Variants in DLG2 observed in about 807,000 individuals in gnomAD.
The protein encoded by DLG2 is discs large MAGUK scaffold protein 2, also known as disks large homolog 2.
A neutral mutation model predicts 132.5 loss-of-function variants in DLG2; 45 were observed. The ratio of observed to expected loss-of-function variants is 0.34; its 90% CI spans 0.27 to 0.44. The LOEUF (loss-of-function observed/expected upper bound fraction) is 0.44. Among genes scored for constraint, DLG2 ranks in the 20% least tolerant of loss-of-function variants. The probability of loss-of-function intolerance (pLI) is 1.00; values close to 1 mark genes in which losing one functional copy is unlikely to be tolerated. For missense variants in DLG2, 1,045 were observed against 1,196.9 expected (o/e 0.87, Z 1.87); for synonymous variants, 424 against 419.6 (o/e 1.01, Z -0.13).
intron 7 of DLG2, chr11:84,272,387 AT>A (rs1214603710): frequency 1.1e-5 from 4 of 375,686 alleles, no homozygotes; most frequent in Middle Eastern, 4.6e-4. Context: ...AGCAGAGATT[AT>A]TTTTTAAGAC....
intron 3 of DLG2, among the ~76,000 whole-genome samples, chr11:85,511,384 T>TA (rs1209826043): frequency 5.3e-5 from 8 of 151,716 alleles, no homozygotes; most frequent in Non-Finnish European, 1.0e-4. Flanking sequence ...ATAATAAAAT[T>TA]AAAAAAAGAA....
intron 19 of DLG2, among the ~76,000 whole-genome samples, chr11:83,621,306 T>C (rs1267915722): frequency 1.3e-5 from 2 of 152,144 alleles, no homozygotes; most frequent in Non-Finnish European, 2.9e-5. Context: ...CAGGGGAATT[T>C]ACAAATCTTG....
intron 3 of DLG2, among the ~76,000 whole-genome samples, chr11:85,337,347 G>T (rs2082202534): frequency 6.6e-6 from 1 of 152,088 alleles, no homozygotes; most frequent in African/African-American, 2.4e-5. Flanking sequence ...GCTTCCCAAA[G>T]TGTTATGATT....
At chr11:85,620,665 C>G (rs1477079073) in intron 2 of DLG2, among the ~76,000 whole-genome samples, 2 of 152,188 alleles carry the variant, frequency 1.3e-5, no homozygotes, top group Non-Finnish European at 2.9e-5. Flanking sequence ...GCTGTAATTC[C>G]CCTCAAACCA....
intron 19 of DLG2, among the ~76,000 whole-genome samples, chr11:83,560,369 C>T (rs2096590621): frequency 6.6e-6 from 1 of 152,148 alleles, no homozygotes; most frequent in Non-Finnish European, 1.5e-5. Flanking sequence ...CCACCCACCT[C>T]AGCCTCCCAA....
intron 4 of DLG2, among the ~76,000 whole-genome samples, chr11:85,283,908 C>CT (rs2078394598): frequency 6.6e-6 from 1 of 150,606 alleles, no homozygotes; most frequent in South Asian, 2.1e-4. Flanking sequence ...AAAGCAATGG[C>CT]TTATACACAT....
intron 6 of DLG2, among the ~76,000 whole-genome samples, chr11:84,699,446 T>C (rs1295902077): frequency 6.6e-6 from 1 of 151,536 alleles, no homozygotes; most frequent in Non-Finnish European, 1.5e-5. Context: ...AACAACAGGA[T>C]GAGCTGTATG....
chr11:84,243,650 A>G (rs1419997182), intron 8 of DLG2, among the ~76,000 whole-genome samples: 3 of 152,180 alleles, frequency 2.0e-5, no homozygotes, highest in Non-Finnish European at 4.4e-5. Context: ...ATTGCTCACA[A>G]ACTCCCAGGT....
At chr11:85,434,324 G>T (rs967019933) in intron 3 of DLG2, among the ~76,000 whole-genome samples, 3 of 151,338 alleles carry the variant, frequency 2.0e-5, no homozygotes, top group African/African-American at 7.3e-5. Context: ...ACTAAGATGA[G>T]AAGGGAACTG....
At chr11:83,853,018 T>C (rs1244342606) in intron 16 of DLG2, among the ~76,000 whole-genome samples, 3 of 152,232 alleles carry the variant, frequency 2.0e-5, no homozygotes, top group Non-Finnish European at 4.4e-5. Context: ...AAGCCAACTT[T>C]GGACACTGAT....
intron 8 of DLG2, among the ~76,000 whole-genome samples, chr11:84,203,524 G>T (rs1462403013): frequency 6.8e-6 from 1 of 147,102 alleles, no homozygotes; most frequent in African/African-American, 2.6e-5. Flanking sequence ...GGAGCTTGCA[G>T]TGAGCCGAGA....
chr11:84,968,713 A>G (rs975602199), intron 6 of DLG2, among the ~76,000 whole-genome samples: 1 of 152,166 alleles, frequency 6.6e-6, no homozygotes, highest in African/African-American at 2.4e-5. Context: ...AGTGCAAGTC[A>G]GCAAATTATT....
Position 83,689,313 on chromosome 11 carries a change from T to G in DLG2, c.1826-55988A>C, listed in dbSNP as rs142306028. Reference sequence around the variant, plus strand: ...CATATGCAAAGAGATGGTGGGGGGTTAACCACGGAACTCTGGAGGAGTGAA... The same window carrying G: ...CATATGCAAAGAGATGGTGGGGGGTGAACCACGGAACTCTGGAGGAGTGAA... On this transcript the variant is annotated intron_variant, in intron 18 of 27. Coordinates refer to ENST00000376104, the MANE Select transcript of DLG2 (RefSeq NM_001142699.3). 8.8e-3 allele frequency among the ~76,000 whole-genome samples: 1,337 copies of G among 152,222 alleles called. 19 individuals are homozygous for G. Among genetic ancestry groups the G allele is most frequent in the African/African-American group, 0.031 (1,276 of 41,548 alleles).
At chr11:84,304,776 C>G (rs557771540) in intron 7 of DLG2, among the ~76,000 whole-genome samples, 1 of 152,188 alleles carries the variant, frequency 6.6e-6, no homozygotes, top group Non-Finnish European at 1.5e-5. Flanking sequence ...TGGAGCTACA[C>G]AAAACGAAGT....
At chr11:84,864,556 G>A (rs980395133) in intron 6 of DLG2, among the ~76,000 whole-genome samples, 1 of 152,028 alleles carries the variant, frequency 6.6e-6, no homozygotes, top group Admixed American at 6.6e-5. Flanking sequence ...TGCACCCACT[G>A]TATTCTTTAT....
intron 19 of DLG2, among the ~76,000 whole-genome samples, chr11:83,595,778 T>TAATGAAC (rs2057475740): frequency 6.6e-6 from 1 of 152,152 alleles, no homozygotes. Context: ...TAGAAGAACG[T>TAATGAAC]AATGAACAAA....
chr11:84,658,351 A>G (rs933813743), intron 6 of DLG2, among the ~76,000 whole-genome samples: 2 of 152,102 alleles, frequency 1.3e-5, no homozygotes, highest in Non-Finnish European at 2.9e-5. Context: ...GCCAAATTTC[A>G]TATGTTGAAA....
At chr11:84,659,467 A>G (rs1308231405) in intron 6 of DLG2, among the ~76,000 whole-genome samples, 1 of 152,122 alleles carries the variant, frequency 6.6e-6, no homozygotes, top group Non-Finnish European at 1.5e-5. Context: ...TGTTTTCCAG[A>G]TATCTAGAGA....
intron 3 of DLG2, among the ~76,000 whole-genome samples, chr11:85,292,593 G>A (rs1335089808): frequency 2.1e-5 from 3 of 142,492 alleles, no homozygotes; most frequent in African/African-American, 7.8e-5. Flanking sequence ...TGATATGATT[G>A]GGCTTCTTCT....
Sources: allele counts gnomAD v4.1 joint callset (sites outside exome capture counted in the v4.1 genomes callset), GRCh38; gene constraint gnomAD v4.1.1; transcripts MANE v1.5; gene names NCBI Gene and HGNC (gene_info 2026-07-23, HGNC 2026-07-21).